DNAJC5: variants seen among roughly 807,000 people sequenced by gnomAD.
DNAJC5 encodes the protein dnaJ homolog subfamily C member 5.
Under a neutral mutation model 23.2 loss-of-function variants are expected in DNAJC5, and 1 was observed. The observed-to-expected ratio is 0.04, with a 90% CI of 0.02 to 0.20. The LOEUF is 0.20. Among genes scored for constraint, DNAJC5 ranks in the 10% least tolerant of loss-of-function variants. DNAJC5 has a pLI of 1.00. For missense variants in DNAJC5, 180 were observed against 267.0 expected (o/e 0.67, Z 2.27); for synonymous variants, 136 against 120.0 (o/e 1.13, Z -0.87).
intron 1 of DNAJC5, among the ~76,000 whole-genome samples, chr20:63,898,636 G>A (rs1037594577): frequency 1.3e-5 from 2 of 152,168 alleles, no homozygotes; most frequent in African/African-American, 4.8e-5. Flanking sequence ...GAGATCGAGA[G>A]ATCGAGACCA....
intron 1 of DNAJC5, among the ~76,000 whole-genome samples, chr20:63,895,664 C>T (rs1390141946): frequency 2.0e-5 from 3 of 151,976 alleles, no homozygotes; most frequent in Non-Finnish European, 2.9e-5. Context: ...CGCCCCCAAC[C>T]CCCCGGGGTC....
Position 63,929,309 on chromosome 20 carries a change from C to T in DNAJC5, c.108-3C>T, listed in dbSNP as rs541118679. 1.4e-4 allele frequency: 219 copies of T among 1,613,184 alleles called. 1 individual carries two copies. In the South Asian group the frequency reaches 1.4e-3, roughly 11 times the overall value. On this transcript the variant is annotated splice_polypyrimidine_tract_variant and splice_region_variant and intron_variant, in intron 2 of 4. Transcript: ENST00000360864. This position sits in a 1 kb window ranked among gnomAD's most constrained non-coding sequence, Gnocchi z 8.6. ...AGAGCCAGGACATGGTTTTGGTTTG[C>T]AGGAAGCTTGCCTTGAAATATCACC...
chr20:63,917,385 A>G (rs532951472), intron 1 of DNAJC5, among the ~76,000 whole-genome samples: 1 of 150,296 alleles, frequency 6.7e-6, no homozygotes, highest in African/African-American at 2.5e-5. Flanking sequence ...CTCTCGAGTA[A>G]CTGGGACTGC....
intron 1 of DNAJC5, among the ~76,000 whole-genome samples, chr20:63,897,599 T>C (rs2053383488): frequency 6.6e-6 from 1 of 152,148 alleles, no homozygotes; most frequent in Admixed American, 6.6e-5. Flanking sequence ...AAGTCAGATC[T>C]GCCAGTGGTA....
Position 63,928,399 on chromosome 20 carries a change from C to T in DNAJC5, c.54C>T (p.His18=), listed in dbSNP as rs770638590. 5.5e-5 allele frequency: 89 copies of T among 1,613,948 alleles called. No individual in the cohort carries two copies. The highest frequency in any genetic ancestry group is 7.1e-5 in the Non-Finnish European group (84 of 1,180,042). The part of the protein sequence containing the change: ...SLSTSGESLY[H]VLGLDKNATS... ...CTACCTCTGGGGAGTCATTGTACCACGTCCTTGGGTTGGACAAGAACGCAA... is the reference window on the plus strand; with the variant it reads ...CTACCTCTGGGGAGTCATTGTACCATGTCCTTGGGTTGGACAAGAACGCAA... The change falls in exon 2 of 5, where the codon CAC becomes CAT. Residue 18 remains histidine (H), a synonymous_variant. Coordinates refer to ENST00000360864, the MANE Select transcript of DNAJC5 (RefSeq NM_025219.3). The surrounding 1 kb of genome is among the most constrained non-coding windows in gnomAD (Gnocchi z 4.6).
intron 1 of DNAJC5, among the ~76,000 whole-genome samples, chr20:63,913,231 T>C (rs1370076817): frequency 6.6e-6 from 1 of 152,108 alleles, no homozygotes; most frequent in Non-Finnish European, 1.5e-5. Context: ...CCTCCGTGTT[T>C]CCTTTGTTTC....
chr20:63,897,442 C>T (rs1300396143), intron 1 of DNAJC5, among the ~76,000 whole-genome samples: 5 of 150,138 alleles, frequency 3.3e-5, no homozygotes, highest in South Asian at 2.1e-4. Flanking sequence ...GGTGGGCGTC[C>T]GTAATCCCAG....
At chr20:63,912,303 C>CA (rs1053866580) in intron 1 of DNAJC5, among the ~76,000 whole-genome samples, 1,658 of 92,252 alleles carry the variant, frequency 0.018, 23 homozygotes, top group African/African-American at 0.052. Flanking sequence ...AATCGGTCTC[C>CA]AAAAAAAAAA....
At chr20:63,901,491 T>TG (rs1025742544) in intron 1 of DNAJC5, among the ~76,000 whole-genome samples, 2 of 152,226 alleles carry the variant, frequency 1.3e-5, no homozygotes, top group African/African-American at 4.8e-5. Flanking sequence ...GTCTTACTCT[T>TG]GACCCTTGAA....
Position 63,928,293 on chromosome 20 carries a change from C to CAT in DNAJC5, c.-11-41_-11-40dup, listed in dbSNP as rs2053632018. The CAT allele has an allele frequency of 6.6e-7, 1 of 1,521,756 alleles. No homozygotes were observed. The highest frequency in any genetic ancestry group is 9.1e-7 in the Non-Finnish European group (1 of 1,101,164). The allele number at this position is 1,521,756 out of a possible 1,614,324, so 94.3% of individuals were successfully genotyped here. ...CCATCAGCTCTGCCCTTGGTACTTTCATCTATACTTTGTGATACTTTCTTT... is the reference window on the plus strand; with the variant it reads ...CCATCAGCTCTGCCCTTGGTACTTTCATATCTATACTTTGTGATACTTTCTTT... On this transcript the variant is annotated intron_variant, in intron 1 of 4. Transcript: ENST00000360864. The surrounding 1 kb of genome is among the most constrained non-coding windows in gnomAD (Gnocchi z 4.6).
chr20:63,912,317 AAAG>A (rs892901289), intron 1 of DNAJC5, among the ~76,000 whole-genome samples: 15 of 152,178 alleles, frequency 9.9e-5, no homozygotes, highest in Middle Eastern at 3.4e-3. Flanking sequence ...AAAAAAAAAA[AAAG>A]AGTAAAGGTG....
chr20:63,915,359 A>G (rs1386349046), intron 1 of DNAJC5, among the ~76,000 whole-genome samples: 5 of 152,022 alleles, frequency 3.3e-5, no homozygotes, highest in Non-Finnish European at 7.4e-5. Flanking sequence ...CGTGTAGTGA[A>G]CACTGGGGCA....
Position 63,931,325 on chromosome 20 carries a change from G to A in DNAJC5, c.494-140G>A. ...CGGTGACCCAAGGCGACGGAGGAAA[G>A]CCGTGTGGGGTGGAGGTCAGCGAGT... On this transcript the variant is annotated intron_variant, in intron 4 of 4. Transcript: ENST00000360864. This position sits in a 1 kb window ranked among gnomAD's most constrained non-coding sequence, Gnocchi z 9.6. 1 of 917,270 alleles carries A rather than the reference G, an allele frequency of 1.1e-6. No individual in the cohort carries two copies. Among genetic ancestry groups the A allele is most frequent in the South Asian group, 1.4e-5 (1 of 70,590 alleles). 56.8% of individuals were successfully genotyped at this position (917,270 alleles called of 1,614,324 possible). A position where few individuals can be genotyped will look rare whatever the true frequency, so the allele number is the denominator to read the frequency against.
rs751612521 is a variant in DNAJC5 at position 63,931,889 on chromosome 20, C to T, written c.*321C>T. 9.9e-6 allele frequency: 4 copies of T among 405,194 alleles called. No homozygotes were observed. The highest frequency in any genetic ancestry group is 1.4e-5 in the Non-Finnish European group (3 of 212,594). 25.1% of individuals were successfully genotyped at this position (405,194 alleles called of 1,614,324 possible). On this transcript the variant is annotated 3_prime_UTR_variant, in exon 5 of 5. Coordinates refer to ENST00000360864, the MANE Select transcript of DNAJC5 (RefSeq NM_025219.3). This position sits in a 1 kb window ranked among gnomAD's most constrained non-coding sequence, Gnocchi z 9.6. Reference sequence around the variant, plus strand: ...CACGGTGGAGCTGCCTCAGGGCTGTCGGTCAGGTTGGTCCAGTGAGGGGTG... The same window carrying T: ...CACGGTGGAGCTGCCTCAGGGCTGTTGGTCAGGTTGGTCCAGTGAGGGGTG...
In DNAJC5 at chr20:63,895,878, C is replaced by T. The variant is rs189530056; in HGVS notation, c.-12+555C>T. On this transcript the variant is annotated intron_variant, in intron 1 of 4. Transcript: ENST00000360864. ...ACCTGTTTTCTCCGCTTTATAAAAACATTTGAAGCCATGCTTTATATTGAA... is the reference window on the plus strand; with the variant it reads ...ACCTGTTTTCTCCGCTTTATAAAAATATTTGAAGCCATGCTTTATATTGAA... 4.4e-3 allele frequency among the ~76,000 whole-genome samples: 669 copies of T among 152,300 alleles called. 18 individuals carry two copies. The South Asian group carries it at 0.098, about 22-fold the overall frequency.
At chr20:63,909,297 A>C (rs1269094821) in intron 1 of DNAJC5, among the ~76,000 whole-genome samples, 1 of 151,876 alleles carries the variant, frequency 6.6e-6, no homozygotes, top group East Asian at 1.9e-4. Context: ...CAGGAGATCG[A>C]TACATCCTGG....
chr20:63,931,085 G>C lies in DNAJC5; in HGVS notation c.493+63G>C, dbSNP rs769375387. 2 of 1,541,756 alleles carry C rather than the reference G, an allele frequency of 1.3e-6. No individual in the cohort carries two copies. Among genetic ancestry groups the C allele is most frequent in the East Asian group, 4.5e-5 (2 of 44,300 alleles). On this transcript the variant is annotated intron_variant, in intron 4 of 4. Transcript: ENST00000360864. This position sits in a 1 kb window ranked among gnomAD's most constrained non-coding sequence, Gnocchi z 9.6. ...GCAGAGCCAGAATGGGCCCTGAATG[G>C]TGTCAACCTGTCTTGTCAAACAGGA...
chr20:63,906,163 T>C (rs1375174419), intron 1 of DNAJC5, among the ~76,000 whole-genome samples: 1 of 152,164 alleles, frequency 6.6e-6, no homozygotes, highest in Non-Finnish European at 1.5e-5. Flanking sequence ...TTGTAAACTT[T>C]GTCTATATAT....
intron 1 of DNAJC5, among the ~76,000 whole-genome samples, chr20:63,923,305 G>A (rs1411971862): frequency 6.6e-6 from 1 of 151,942 alleles, no homozygotes; most frequent in Non-Finnish European, 1.5e-5. Context: ...AGCTGGGCAT[G>A]GTGGCACATT....
Sources: allele counts gnomAD v4.1 joint callset (sites outside exome capture counted in the v4.1 genomes callset), GRCh38; gene constraint gnomAD v4.1.1; non-coding constraint Gnocchi (gnomAD v3.1); transcripts MANE v1.5; gene names NCBI Gene and HGNC (gene_info 2026-07-23, HGNC 2026-07-21).